Variants in C10orf67 observed in about 807,000 individuals in gnomAD.
The protein encoded by C10orf67 is uncharacterized protein C10orf67, mitochondrial.
Under a neutral mutation model 35.6 loss-of-function variants are expected in C10orf67, and 60 were observed. The observed-to-expected ratio is 1.68, with a 90% CI of 1.37 to 2.09. The LOEUF is 2.09. C10orf67 is among the 30% of genes most tolerant of loss of function. The pLI is 0.00. For synonymous variants in C10orf67, 167 were observed against 115.8 expected, an observed-to-expected ratio of 1.44 and a Z score of -2.84; for missense variants, 474 against 330.2, an observed-to-expected ratio of 1.44 and a Z score of -3.38.
chr10:23,232,549 TC>T (rs1405239227), intron 13 of C10orf67, among the ~76,000 whole-genome samples: 1 of 152,112 alleles, frequency 6.6e-6, no homozygotes, highest in Non-Finnish European at 1.5e-5. Context: ...CTGGGATAAA[TC>T]AACAAAGTTG....
chr10:23,304,273 G>A (rs532575007), intron 4 of C10orf67, among the ~76,000 whole-genome samples: 67 of 152,322 alleles, frequency 4.4e-4, no homozygotes, highest in Non-Finnish European at 6.8e-4. Context: ...CTCAGCTGCA[G>A]TCTGAGAGCA....
chr10:23,344,506 C>T (rs1846059806), intron 1 of C10orf67, 63 bp downstream of exon 1: 1 of 1,466,722 alleles, frequency 6.8e-7, no homozygotes, highest in African/African-American at 1.4e-5. Flanking sequence ...ACCCTTCAGC[C>T]TCCCGCCGTG....
rs562215896 is a variant in C10orf67 at position 23,235,151 on chromosome 10, G to C, written c.1434+4578C>G. On this transcript the variant is annotated intron_variant, in intron 13 of 15. Transcript: ENST00000636213. ...AAAAGGACTGACAAATAAACCAATG[G>C]AAAAGAATAGCGTAGTTGGAAATAG... is the stretch of plus-strand genomic sequence containing the variant. Among the ~76,000 whole-genome samples, 5 of 152,114 alleles carry C rather than the reference G, an allele frequency of 3.3e-5. No homozygotes were observed. The South Asian group carries it at 1.0e-3, about 32-fold the overall frequency.
intron 15 of C10orf67, among the ~76,000 whole-genome samples, chr10:23,223,155 C>G (rs773597552): frequency 3.3e-4 from 50 of 152,080 alleles, no homozygotes; most frequent in Non-Finnish European, 6.8e-4. Context: ...TCTTGGCTCA[C>G]TGCAGCCTTG....
Position 23,259,692 on chromosome 10 carries a change from G to A in C10orf67, c.1200+6570C>T, listed in dbSNP as rs144301799. Among the ~76,000 whole-genome samples the A allele has an allele frequency of 4.4e-3, 668 of 152,158 alleles. 11 individuals are homozygous for A. The highest frequency in any genetic ancestry group is 0.015 in the African/African-American group (630 of 41,532). On this transcript the variant is annotated intron_variant, in intron 10 of 15. Coordinates refer to ENST00000636213, the MANE Select transcript of C10orf67 (RefSeq NM_001371909.1). ...CTATGCATGATAAACAATAGACAGG[G>A]AATTTCATCAGAGAGGTGGAAAATG...
chr10:23,231,961 CA>C (rs60400337), intron 13 of C10orf67, among the ~76,000 whole-genome samples: 4,685 of 152,108 alleles, frequency 0.031, 227 homozygotes, highest in African/African-American at 0.11. Context: ...CGGCAAAATT[CA>C]ACAACATACC....
chr10:23,211,614 T>C (rs569176302), intron 15 of C10orf67, among the ~76,000 whole-genome samples: 2 of 152,184 alleles, frequency 1.3e-5, no homozygotes, highest in East Asian at 3.9e-4. Context: ...AAGTGTTCTT[T>C]AAAAAAATGA....
chr10:23,333,860 G>GA (rs1291611420), intron 1 of C10orf67, among the ~76,000 whole-genome samples: 1 of 152,144 alleles, frequency 6.6e-6, no homozygotes, highest in East Asian at 1.9e-4. Flanking sequence ...AGCTACTATA[G>GA]AGGCTGAGGC....
At chr10:23,247,286 C>A (rs902836425) in intron 12 of C10orf67, among the ~76,000 whole-genome samples, 6 of 152,132 alleles carry the variant, frequency 3.9e-5, no homozygotes, top group Non-Finnish European at 7.3e-5. Context: ...GTGCCTTATA[C>A]AGGTGGACCA....
intron 2 of C10orf67, among the ~76,000 whole-genome samples, chr10:23,330,775 C>A (rs1018245547): frequency 6.6e-6 from 1 of 151,274 alleles, no homozygotes; most frequent in East Asian, 2.0e-4. Context: ...GAAGCATAAA[C>A]GAGAAATAAG....
At chr10:23,262,226 G>A (rs781600684) in intron 10 of C10orf67, among the ~76,000 whole-genome samples, 2 of 152,104 alleles carry the variant, frequency 1.3e-5, no homozygotes, top group Non-Finnish European at 1.5e-5. Flanking sequence ...AAAGACCCAC[G>A]TCTGGGTAGT....
chr10:23,203,217 G>A lies in C10orf67; in HGVS notation c.*956C>T, dbSNP rs1841067838. The A allele has an allele frequency of 6.6e-6, 1 of 152,212 alleles. No homozygotes were observed. Among genetic ancestry groups the A allele is most frequent in the Non-Finnish European group, 1.5e-5 (1 of 68,044 alleles). 9.4% of individuals were successfully genotyped at this position (152,212 alleles called of 1,614,324 possible). On this transcript the variant is annotated 3_prime_UTR_variant, in exon 16 of 16. Coordinates refer to ENST00000636213, the MANE Select transcript of C10orf67 (RefSeq NM_001371909.1). ...ACTCCTTTGGAGACAGCGGCATATA[G>A]TGCATAGTAGATGAAGCTCGAATAA...
At chr10:23,325,674 A>C (rs1845165997) in intron 2 of C10orf67, among the ~76,000 whole-genome samples, 1 of 106,946 alleles carries the variant, frequency 9.4e-6, no homozygotes, top group East Asian at 5.2e-4. Flanking sequence ...TACTTGGATT[A>C]TATATATAAA....
chr10:23,229,375 T>C (rs571193474), intron 13 of C10orf67, among the ~76,000 whole-genome samples: 11 of 135,794 alleles, frequency 8.1e-5, no homozygotes, highest in Admixed American at 4.4e-4. Flanking sequence ...TAGATGGGAA[T>C]TGAACAATGA....
rs566277563 is a variant in C10orf67, at chr10:23,286,264, G to A, written c.909+3636C>T. 2.0e-5 allele frequency among the ~76,000 whole-genome samples: 3 copies of A among 148,988 alleles called. No homozygotes were observed. In the South Asian group the frequency reaches 6.6e-4, roughly 33 times the overall value. ...AAATAAAAAATTAGCCAAGTGTGGT[G>A]GTACTCCTGTTTAGTCCCAGCTACT... On this transcript the variant is annotated intron_variant, in intron 7 of 15. Coordinates refer to ENST00000636213, the MANE Select transcript of C10orf67 (RefSeq NM_001371909.1).
chr10:23,210,920 C>T (rs1047868374), intron 15 of C10orf67, among the ~76,000 whole-genome samples: 1 of 152,202 alleles, frequency 6.6e-6, no homozygotes, highest in African/African-American at 2.4e-5. Context: ...ACTCCTTACC[C>T]TAAGTCTTAA....
chr10:23,274,978 C>T (rs563256237), intron 8 of C10orf67, among the ~76,000 whole-genome samples: 11 of 152,116 alleles, frequency 7.2e-5, no homozygotes, highest in East Asian at 1.9e-4. Context: ...CAGCTTCAGC[C>T]GGTCCCTCTG....
chr10:23,324,965 G>C (rs1048028051), intron 2 of C10orf67, among the ~76,000 whole-genome samples: 3 of 152,102 alleles, frequency 2.0e-5, no homozygotes, highest in Non-Finnish European at 4.4e-5. Context: ...TCAAGACTTT[G>C]AGAGGTTAAG....
At chr10:23,290,959 T>A (rs1843702146) in intron 6 of C10orf67, among the ~76,000 whole-genome samples, 173 bp downstream of exon 6, 1 of 152,194 alleles carries the variant, frequency 6.6e-6, no homozygotes, top group Admixed American at 6.5e-5. Flanking sequence ...AAACACATCC[T>A]CTGTCCCAAG....
Sources: gnomAD v4.1 joint callset for allele counts (sites outside exome capture counted in the v4.1 genomes callset) on GRCh38, gnomAD v4.1.1 for gene constraint, MANE v1.5 for transcripts, NCBI Gene and HGNC (gene_info 2026-07-23, HGNC 2026-07-21) for gene names.